Variants in DKK2 observed in about 807,000 individuals in gnomAD.
The protein encoded by DKK2 is dickkopf Wnt signaling pathway inhibitor 2.
In DKK2, 11 loss-of-function variants were observed where a neutral mutation model predicts 28.1. That is an observed-to-expected ratio of 0.39 (90% CI 0.25 to 0.65). The LOEUF is 0.65. Ranked by LOEUF, DKK2 falls within the 30% of genes least tolerant of loss-of-function variation. The pLI is 0.47. For synonymous variants in DKK2, 135 were observed against 126.5 expected, an observed-to-expected ratio of 1.07 and a Z score of -0.45; for missense variants, 326 against 335.5, an observed-to-expected ratio of 0.97 and a Z score of 0.22.
intron 1 of DKK2, among the ~76,000 whole-genome samples, chr4:106,966,041 T>C (rs929890481): frequency 1.3e-5 from 2 of 151,990 alleles, no homozygotes; most frequent in Admixed American, 6.6e-5. Context: ...TTGTGAATAG[T>C]GCCGCAATAA....
chr4:106,965,843 G>C (rs185270851), intron 1 of DKK2, among the ~76,000 whole-genome samples: 127 of 147,396 alleles, frequency 8.6e-4, no homozygotes, highest in Admixed American at 1.6e-3. Context: ...AGAATATGCG[G>C]TGTTTGGTTT....
At chr4:106,958,827 AACTC>A (rs1722644815) in intron 1 of DKK2, among the ~76,000 whole-genome samples, 1 of 150,026 alleles carries the variant, frequency 6.7e-6, no homozygotes, top group Non-Finnish European at 1.5e-5. Flanking sequence ...ACAAGAGTGA[AACTC>A]AATCTCAAAA....
chr4:106,984,773 T>C (rs960749303), intron 1 of DKK2, among the ~76,000 whole-genome samples: 2 of 152,194 alleles, frequency 1.3e-5, no homozygotes, highest in African/African-American at 4.8e-5. Context: ...AATACAGATA[T>C]CCTTCAACGG....
At chr4:106,965,628 G>T (rs1254340808) in intron 1 of DKK2, among the ~76,000 whole-genome samples, 1 of 151,016 alleles carries the variant, frequency 6.6e-6, no homozygotes. Flanking sequence ...AAGTTTTAGG[G>T]TACATGTGCA....
intron 1 of DKK2, among the ~76,000 whole-genome samples, chr4:106,937,039 T>G (rs1724600695): frequency 6.6e-6 from 1 of 151,992 alleles, no homozygotes; most frequent in Non-Finnish European, 1.5e-5. Flanking sequence ...CCATCAAGAC[T>G]AGGAAGAAAC....
At chr4:106,935,119 T>C (rs767488915) in intron 1 of DKK2, among the ~76,000 whole-genome samples, 1 of 152,150 alleles carries the variant, frequency 6.6e-6, no homozygotes, top group African/African-American at 2.4e-5. Context: ...GGAGCCAAGA[T>C]GGCCGAATAG....
intron 1 of DKK2, among the ~76,000 whole-genome samples, chr4:106,965,373 T>C (rs1326037215): frequency 6.6e-6 from 1 of 152,092 alleles, no homozygotes; most frequent in Non-Finnish European, 1.5e-5. Context: ...TTCTAAAGGT[T>C]TGGCAGGAAT....
chr4:106,944,538 G>T (rs1254085982), intron 1 of DKK2, among the ~76,000 whole-genome samples: 4 of 152,050 alleles, frequency 2.6e-5, no homozygotes. Flanking sequence ...ATAATTTAAA[G>T]AAATTTACAT....
chr4:106,987,317 T>C lies in DKK2; in HGVS notation c.222+48053A>G, dbSNP rs1451197428. 2.6e-5 allele frequency among the ~76,000 whole-genome samples: 4 copies of C among 152,208 alleles called. No individual in the cohort carries two copies. The East Asian group carries it at 7.7e-4, about 29-fold the overall frequency. On this transcript the variant is annotated intron_variant, in intron 1 of 3. Transcript: ENST00000285311. ...TCAAGAATTATCTTTATTAATAACA[T>C]ATATACTGTCACTGTGTGTGCCTTG...
Position 106,996,045 on chromosome 4 carries a change from A to G in DKK2, c.222+39325T>C, listed in dbSNP as rs116702362. Among the ~76,000 whole-genome samples, 488 of 152,322 alleles carry G rather than the reference A, an allele frequency of 3.2e-3. 4 individuals are homozygous for G. Among genetic ancestry groups the G allele is most frequent in the African/African-American group, 0.011 (473 of 41,578 alleles). On this transcript the variant is annotated intron_variant, in intron 1 of 3. Coordinates refer to ENST00000285311, the MANE Select transcript of DKK2 (RefSeq NM_014421.3). ...ATTCTGTGATACTGAGAGATCATAA[A>G]GGAGGAAAAATAGTTCTGAAGAATT...
chr4:106,983,493 A>C (rs1186052350), intron 1 of DKK2, among the ~76,000 whole-genome samples: 1 of 152,158 alleles, frequency 6.6e-6, no homozygotes, highest in Non-Finnish European at 1.5e-5. Context: ...AAACAATAAA[A>C]GTTTTAAGAA....
intron 1 of DKK2, among the ~76,000 whole-genome samples, chr4:106,940,830 A>G (rs1203869295): frequency 1.3e-5 from 2 of 152,172 alleles, no homozygotes; most frequent in African/African-American, 4.8e-5. Flanking sequence ...GAAATTGGAA[A>G]TCATCATTGT....
intron 1 of DKK2, among the ~76,000 whole-genome samples, chr4:106,995,501 A>C (rs1723258251): frequency 1.3e-5 from 2 of 152,234 alleles, no homozygotes; most frequent in African/African-American, 4.8e-5. Context: ...AGGAAATTTT[A>C]AAAACTAAAC....
chr4:107,016,022 A>G (rs998908027), intron 1 of DKK2, among the ~76,000 whole-genome samples: 1 of 151,826 alleles, frequency 6.6e-6, no homozygotes, highest in Non-Finnish European at 1.5e-5. Context: ...TAACATTGTC[A>G]TAACGCCTCT....
intron 1 of DKK2, among the ~76,000 whole-genome samples, chr4:106,976,436 A>T (rs1414465097): frequency 1.3e-5 from 2 of 152,184 alleles, no homozygotes; most frequent in Non-Finnish European, 2.9e-5. Context: ...TATTTGGTGC[A>T]TATATATTTA....
chr4:107,031,865 G>A lies in DKK2; in HGVS notation c.222+3505C>T, dbSNP rs186191311. On this transcript the variant is annotated intron_variant, in intron 1 of 3. Coordinates refer to ENST00000285311, the MANE Select transcript of DKK2 (RefSeq NM_014421.3). ...GGTTTTTAAAATTTGTTTTGAAGGT[G>A]GTCCATAAAAGTCAACACCTCAAAC... is the stretch of plus-strand genomic sequence containing the variant. Among the ~76,000 whole-genome samples, 852 of 151,822 alleles carry A rather than the reference G, an allele frequency of 5.6e-3. 6 individuals are homozygous for A. The highest frequency in any genetic ancestry group is 7.0e-3 in the Non-Finnish European group (472 of 67,770).
intron 1 of DKK2, among the ~76,000 whole-genome samples, chr4:107,034,919 G>A (rs1472571980): frequency 5.3e-5 from 8 of 152,186 alleles, no homozygotes; most frequent in African/African-American, 1.9e-4. Flanking sequence ...TACTTCATTA[G>A]CAGAATGGGA....
intron 1 of DKK2, among the ~76,000 whole-genome samples, chr4:106,959,390 C>T (rs1722653699): frequency 6.6e-6 from 1 of 152,082 alleles, no homozygotes; most frequent in Admixed American, 6.6e-5. Context: ...AGTTGGCTTG[C>T]TGTACTCAAC....
chr4:106,990,074 A>G (rs1723181928), intron 1 of DKK2, among the ~76,000 whole-genome samples: 1 of 152,228 alleles, frequency 6.6e-6, no homozygotes, highest in Admixed American at 6.5e-5. Flanking sequence ...CTGTTCAAAT[A>G]ATAAATCCTC....
Sources: allele counts gnomAD v4.1 joint callset (sites outside exome capture counted in the v4.1 genomes callset), GRCh38; gene constraint gnomAD v4.1.1; transcripts MANE v1.5; gene names NCBI Gene and HGNC (gene_info 2026-07-23, HGNC 2026-07-21).